The following CELSR3 variants were observed in gnomAD, a reference collection of about 807,000 sequenced individuals.
The protein encoded by CELSR3 is EGF-like protein 1.
CELSR3 carries 73 observed loss-of-function variants against 270.0 expected under a neutral mutation model. The ratio of observed to expected loss-of-function variants is 0.27; its 90% CI spans 0.22 to 0.33. CELSR3 has a LOEUF of 0.33. Among genes scored for constraint, CELSR3 ranks in the 10% least tolerant of loss-of-function variants. CELSR3 has a pLI of 1.00. For synonymous variants in CELSR3, 1,780 were observed against 1,905.4 expected (o/e 0.93, Z 1.71); for missense variants, 3,614 against 4,533.8 (o/e 0.80, Z 5.83).
chr3:48,658,757 G>A lies in CELSR3; in HGVS notation c.3748+130C>T. The A allele has an allele frequency of 9.4e-7, 1 of 1,067,208 alleles. No homozygotes were observed. The highest frequency in any genetic ancestry group is 1.6e-5 in the African/African-American group (1 of 62,980). 66.1% of individuals were successfully genotyped at this position (1,067,208 alleles called of 1,614,324 possible). On this transcript the variant is annotated intron_variant, in intron 1 of 34. Coordinates refer to ENST00000164024, the MANE Select transcript of CELSR3 (RefSeq NM_001407.3). This position sits in a 1 kb window ranked among gnomAD's most constrained non-coding sequence, Gnocchi z 4.7. Reference sequence around the variant, plus strand: ...AGGTCTGTGGCAGATCTTGTAGGGTGCAGGAACCCTACCCTTAAGGGGTTC... The same window carrying A: ...AGGTCTGTGGCAGATCTTGTAGGGTACAGGAACCCTACCCTTAAGGGGTTC...
chr3:48,659,578 G>A lies in CELSR3; in HGVS notation c.3057C>T (p.Val1019=). ...DFTIEPTSGI[V]RTVRRLDREA... Reference sequence around the variant, plus strand: ...CCCGGTCTAGCCGCCTTACTGTACGGACAATTCCAGAGGTGGGCTCAATGG... The same window carrying A: ...CCCGGTCTAGCCGCCTTACTGTACGAACAATTCCAGAGGTGGGCTCAATGG... Residue 1019 remains valine, a synonymous_variant, in exon 1 of 35, where the codon GTC becomes GTT. Transcript: ENST00000164024. This position sits in a 1 kb window ranked among gnomAD's most constrained non-coding sequence, Gnocchi z 8.1. The A allele has an allele frequency of 1.9e-6, 3 of 1,614,144 alleles. No homozygotes were observed. The highest frequency in any genetic ancestry group is 2.5e-6 in the Non-Finnish European group (3 of 1,180,038).
In CELSR3 at chr3:48,640,763, C is replaced by T. The variant is rs911675151; in HGVS notation, c.9026-204G>A. On this transcript the variant is annotated intron_variant, in intron 33 of 34. Coordinates refer to ENST00000164024, the MANE Select transcript of CELSR3 (RefSeq NM_001407.3). This position sits in a 1 kb window ranked among gnomAD's most constrained non-coding sequence, Gnocchi z 7.5. ...GTCAGAGTGGAAGGGCAGTCATCTT[C>T]CAGTTGTGGTCCCGGGGCAGGGGGA... 5.4e-6 allele frequency: 3 copies of T among 553,114 alleles called. No individual in the cohort carries two copies. The African/African-American group carries it at 5.8e-5, about 11-fold the overall frequency. 34.3% of individuals were successfully genotyped at this position (553,114 alleles called of 1,614,324 possible). A position where few individuals can be genotyped will look rare whatever the true frequency, so the allele number is the denominator to read the frequency against.
Position 48,654,045 on chromosome 3 carries a change from G to T in CELSR3, c.5153-42C>A. The T allele has an allele frequency of 2.5e-6, 4 of 1,602,224 alleles. No homozygotes were observed. Among genetic ancestry groups the T allele is most frequent in the South Asian group, 1.1e-5 (1 of 90,722 alleles). ...CATGGCGGACATGAGAACAAGGGTTGGGGGGCACAAGTGCTGGACAGGACT... is the reference window on the plus strand; with the variant it reads ...CATGGCGGACATGAGAACAAGGGTTTGGGGGCACAAGTGCTGGACAGGACT... On this transcript the variant is annotated intron_variant, in intron 7 of 34. Transcript: ENST00000164024. The surrounding 1 kb of genome is among the most constrained non-coding windows in gnomAD (Gnocchi z 5.4).
At chr3:48,643,994 G>C (rs1254303600) in intron 27 of CELSR3, 4 of 587,566 alleles carry the variant, frequency 6.8e-6, no homozygotes, top group Non-Finnish European at 1.2e-5. Context: ...GACTCTGGGG[G>C]GACCCAGAGG....
chr3:48,648,723 T>C lies in CELSR3; in HGVS notation c.6773A>G (p.Asn2258Ser), dbSNP rs771134891. ...GAACATAGGGCACAGCCCCACCTCATTGAAGTGGGCATCCTGTGTGGCTGT... is the reference window on the plus strand; with the variant it reads ...GAACATAGGGCACAGCCCCACCTCACTGAAGTGGGCATCCTGTGTGGCTGT... ...GLTATQDAHF[N>S]ENLLWAGSAL... Residue 2258 changes from asparagine to serine, a missense_variant, in exon 18 of 35, where the codon AAT becomes AGT. Asn to Ser is a conservative substitution (Grantham distance 46). This residue lies in a region of CELSR3 where 1,331 missense variants were observed against 1,933.7 expected (regional missense o/e 0.69). Transcript: ENST00000164024. 9 of 1,610,812 alleles carry C rather than the reference T, an allele frequency of 5.6e-6. No homozygotes were observed. The Admixed American group carries it at 6.7e-5, about 12-fold the overall frequency.
Position 48,657,139 on chromosome 3 carries a change from C to G in CELSR3, c.3958G>C (p.Asp1320His). The G allele has an allele frequency of 6.2e-7, 1 of 1,614,022 alleles. No homozygotes were observed. The highest frequency in any genetic ancestry group is 8.5e-7 in the Non-Finnish European group (1 of 1,179,964). ...ACATTGAGCACGGTGCCCCCTACGT[C>G]TGTGTCGTTCTGGATGTTGAAGATG... The part of the protein sequence containing the change: ...VFIFNIQNDT[D>H]VGGTVLNVSF... Residue 1320 changes from aspartate to histidine, a missense_variant, in exon 2 of 35, where the codon GAC becomes CAC. By Grantham distance (81) the Asp-to-His change is moderately conservative. Around this residue, in one of 7 missense-constraint regions of CELSR3, gnomAD observed 1,331 missense variants for 1,933.7 expected, o/e 0.69. Coordinates refer to ENST00000164024, the MANE Select transcript of CELSR3 (RefSeq NM_001407.3). This position sits in a 1 kb window ranked among gnomAD's most constrained non-coding sequence, Gnocchi z 5.4.
chr3:48,661,543 C>G lies in CELSR3; in HGVS notation c.1092G>C (p.Leu364=). Residue 364 remains leucine (L), a synonymous_variant, in exon 1 of 35, where the codon CTG becomes CTC. Coordinates refer to ENST00000164024, the MANE Select transcript of CELSR3 (RefSeq NM_001407.3). ...GCGAGCGGCTGTTCATGAGTGCCGC[C>G]AGCGAGTAGACTAGGCGCCCGGCCT... is the stretch of plus-strand genomic sequence containing the variant. The part of the protein sequence containing the change: ...AGEAGRLVYS[L]AALMNSRSLE... 1 of 1,607,220 alleles carries G rather than the reference C, an allele frequency of 6.2e-7. No individual in the cohort carries two copies. The highest frequency in any genetic ancestry group is 1.1e-5 in the South Asian group (1 of 90,760).
In CELSR3 at chr3:48,656,215, G is replaced by A. The variant is rs1016865776; in HGVS notation, c.4550C>T (p.Ala1517Val). Residue 1517 changes from alanine (A) to valine (V), a missense_variant, in exon 3 of 35, where the codon GCG (alanine) becomes GTG (valine). Transcript: ENST00000164024. ...GAACGAACTGGGCGGGAAGGAGCGC[G>A]CAGCCACCTCGCAGCGCGGGCCCTC... Reference protein sequence around the residue: ...AFEGPRCEVAARSFPPSSFVM... With the variant: ...AFEGPRCEVAVRSFPPSSFVM... The A allele has an allele frequency of 1.3e-6, 2 of 1,536,644 alleles. No homozygotes were observed. Among genetic ancestry groups the A allele is most frequent in the African/African-American group, 1.4e-5 (1 of 73,080 alleles).
In CELSR3 at chr3:48,646,972, C is replaced by CA; in HGVS notation, c.7130-45dup. ...GAGCTTCTGTCAGTGACCTTTGACC[C>CA]AAAGCACCCACCAACCCAGCTCTGA... On this transcript the variant is annotated intron_variant, in intron 20 of 34. Coordinates refer to ENST00000164024, the MANE Select transcript of CELSR3 (RefSeq NM_001407.3). This position sits in a 1 kb window ranked among gnomAD's most constrained non-coding sequence, Gnocchi z 4.8. 6.8e-7 allele frequency: 1 copy of CA among 1,469,050 alleles called. No individual in the cohort carries two copies. The highest frequency in any genetic ancestry group is 1.4e-5 in the South Asian group (1 of 72,726). The allele number at this position is 1,469,050 out of a possible 1,614,324, so 91.0% of individuals were successfully genotyped here. A position where few individuals can be genotyped will look rare whatever the true frequency, so the allele number is the denominator to read the frequency against.
chr3:48,661,962 C>A lies in CELSR3; in HGVS notation c.673G>T (p.Ala225Ser), dbSNP rs1307450313. The change falls in exon 1 of 35, where the codon GCA becomes TCA. Residue 225 changes from alanine to serine, a missense_variant. Around this residue, in one of 7 missense-constraint regions of CELSR3, gnomAD observed 470 missense variants for 469.7 expected, o/e 1.00. Coordinates refer to ENST00000164024, the MANE Select transcript of CELSR3 (RefSeq NM_001407.3). Reference protein sequence around the residue: ...GQGERATTSGAERTAPRRNCL... With the variant: ...GQGERATTSGSERTAPRRNCL... ...TTCCGCCGGGGGGCTGTCCTTTCTG[C>A]TCCGGATGTCGTGGCTCTCTCGCCC... is the stretch of plus-strand genomic sequence containing the variant. 6.2e-7 allele frequency: 1 copy of A among 1,613,882 alleles called. No homozygotes were observed.
intron 27 of CELSR3, chr3:48,643,998 C>T (rs888602131): frequency 2.7e-5 from 16 of 587,834 alleles, no homozygotes; most frequent in Non-Finnish European, 4.2e-5. Context: ...CTGGGGGGAC[C>T]CAGAGGACAA....
chr3:48,656,715 C>T lies in CELSR3; in HGVS notation c.4382G>A (p.Cys1461Tyr). 1.3e-6 allele frequency: 2 copies of T among 1,497,174 alleles called. No homozygotes were observed. Among genetic ancestry groups the T allele is most frequent in the South Asian group, 1.3e-5 (1 of 74,398 alleles). 92.7% of individuals were successfully genotyped at this position (1,497,174 alleles called of 1,614,324 possible). ...CTGCTCACCGGTGAAGCGCGGGCGG[C>T]AGACGCACGTGTAGCCTCCCTCGCG... is the stretch of plus-strand genomic sequence containing the variant. ...ARREGGYTCV[C>Y]RPRFTGEDCE... is the part of the protein sequence containing the mutation. The change falls in exon 2 of 35, where the codon TGC becomes TAC. Residue 1461 changes from cysteine (C) to tyrosine (Y), a missense_variant. Physicochemically the swap from Cys to Tyr is radical, Grantham distance 194 (BLOSUM62 -2). Coordinates refer to ENST00000164024, the MANE Select transcript of CELSR3 (RefSeq NM_001407.3).
Position 48,641,256 on chromosome 3 carries a change from T to C in CELSR3, c.9025+68A>G. The C allele has an allele frequency of 9.6e-7, 1 of 1,044,398 alleles. No homozygotes were observed. Among genetic ancestry groups the C allele is most frequent in the Non-Finnish European group, 1.5e-6 (1 of 677,714 alleles). 64.7% of individuals were successfully genotyped at this position (1,044,398 alleles called of 1,614,324 possible). A position where few individuals can be genotyped will look rare whatever the true frequency, so the allele number is the denominator to read the frequency against. ...TCAGTTTGGGATGAGGAAGCTGCAATCCCTTGGCTCAGGGCATGAGCAGCC... is the reference window on the plus strand; with the variant it reads ...TCAGTTTGGGATGAGGAAGCTGCAACCCCTTGGCTCAGGGCATGAGCAGCC... On this transcript the variant is annotated intron_variant, in intron 33 of 34. Coordinates refer to ENST00000164024, the MANE Select transcript of CELSR3 (RefSeq NM_001407.3). The surrounding 1 kb of genome is among the most constrained non-coding windows in gnomAD (Gnocchi z 4.8).
In CELSR3 at chr3:48,639,578, G is replaced by A. The variant is rs901909916; in HGVS notation, c.9911+96C>T. 8 of 1,511,172 alleles carry A rather than the reference G, an allele frequency of 5.3e-6. No individual in the cohort carries two copies. Among genetic ancestry groups the A allele is most frequent in the Non-Finnish European group, 6.3e-6 (7 of 1,112,078 alleles). 93.6% of individuals were successfully genotyped at this position (1,511,172 alleles called of 1,614,324 possible). ...TGGGGTAGCCCACACCTGTCTGCCAGCCCTCATCCCCTTCTGTGGCAGAAC... is the reference window on the plus strand; with the variant it reads ...TGGGGTAGCCCACACCTGTCTGCCAACCCTCATCCCCTTCTGTGGCAGAAC... On this transcript the variant is annotated intron_variant, in intron 34 of 34. Coordinates refer to ENST00000164024, the MANE Select transcript of CELSR3 (RefSeq NM_001407.3). This position sits in a 1 kb window ranked among gnomAD's most constrained non-coding sequence, Gnocchi z 4.1.
Position 48,656,698 on chromosome 3 carries a change from C to T in CELSR3, c.4399G>A (p.Gly1467Arg), listed in dbSNP as rs750148315. The change falls in exon 2 of 35, where the codon GGA becomes AGA. Residue 1467 changes from glycine to arginine, a missense_variant and splice_region_variant. Coordinates refer to ENST00000164024, the MANE Select transcript of CELSR3 (RefSeq NM_001407.3). ...YTCVCRPRFT[G>R]EDCELDTEAG... is the part of the protein sequence containing the mutation. ...AGCTCTGGCCCGGCGCCCTGCTCAC[C>T]GGTGAAGCGCGGGCGGCAGACGCAC... The T allele has an allele frequency of 6.7e-7, 1 of 1,483,414 alleles. No homozygotes were observed. Among genetic ancestry groups the T allele is most frequent in the Non-Finnish European group, 8.9e-7 (1 of 1,123,784 alleles). The allele number at this position is 1,483,414 out of a possible 1,614,324, so 91.9% of individuals were successfully genotyped here.
rs552620108 is a variant in CELSR3 at position 48,648,928 on chromosome 3, G to A, written c.6568C>T (p.Leu2190=). 6.2e-7 allele frequency: 1 copy of A among 1,612,642 alleles called. No homozygotes were observed. The highest frequency in any genetic ancestry group is 2.2e-5 in the East Asian group (1 of 44,880). ...SPAFRELSLL[L]DGLELNKTAL... Reference sequence around the variant, plus strand: ...GTCTTGTTCAGCTCTAGGCCATCCAGCTGCCAAGACAAGGAGATGGTTGCT... The same window carrying A: ...GTCTTGTTCAGCTCTAGGCCATCCAACTGCCAAGACAAGGAGATGGTTGCT... Residue 2190 remains leucine (L), a splice_region_variant and synonymous_variant, in exon 18 of 35, where the codon CTG becomes TTG. Transcript: ENST00000164024.
At position 48,650,609 on chromosome 3, in the gene CELSR3, GCAGT is replaced by G; in HGVS notation, c.6371-32_6371-29del. On this transcript the variant is annotated intron_variant, in intron 15 of 34. Transcript: ENST00000164024. This position sits in a 1 kb window ranked among gnomAD's most constrained non-coding sequence, Gnocchi z 5.1. ...AGAGAGAGAAGAGGTGCTGAGCCAG[GCAGT>G]CAGGGTACAGGGCAGTTGACAGCCA... 1.3e-6 allele frequency: 2 copies of G among 1,574,734 alleles called. No individual in the cohort carries two copies. Among genetic ancestry groups the G allele is most frequent in the Non-Finnish European group, 1.7e-6 (2 of 1,159,326 alleles).
Position 48,651,835 on chromosome 3 carries a change from G to A in CELSR3, c.5923+42C>T, listed in dbSNP as rs368455094. On this transcript the variant is annotated intron_variant, in intron 12 of 34. Transcript: ENST00000164024. This position sits in a 1 kb window ranked among gnomAD's most constrained non-coding sequence, Gnocchi z 7.4. Reference sequence around the variant, plus strand: ...CCAGTCTTCATCATGGGCCCCTAACGCCTGCCCAGGTCACCCTTCCCCCAA... The same window carrying A: ...CCAGTCTTCATCATGGGCCCCTAACACCTGCCCAGGTCACCCTTCCCCCAA... The A allele has an allele frequency of 5.7e-6, 9 of 1,576,168 alleles. No individual in the cohort carries two copies. Among genetic ancestry groups the A allele is most frequent in the African/African-American group, 5.4e-5 (4 of 73,494 alleles).
chr3:48,650,243 G>A lies in CELSR3; in HGVS notation c.6472+237C>T, dbSNP rs963408102. The A allele has an allele frequency of 7.9e-6, 5 of 634,940 alleles. No individual in the cohort carries two copies. The highest frequency in any genetic ancestry group is 3.6e-5 in the African/African-American group (2 of 55,636). The allele number at this position is 634,940 out of a possible 1,614,324, so 39.3% of individuals were successfully genotyped here. A position where few individuals can be genotyped will look rare whatever the true frequency, so the allele number is the denominator to read the frequency against. On this transcript the variant is annotated intron_variant, in intron 16 of 34. Transcript: ENST00000164024. This position sits in a 1 kb window ranked among gnomAD's most constrained non-coding sequence, Gnocchi z 5.1. ...GCAAAAGCTCTGGTAGTGGGAGGGG[G>A]CAGTGCACCTGAGCAAACACGTACC...
Sources: allele counts gnomAD v4.1 joint callset, GRCh38; gene constraint gnomAD v4.1.1; regional missense constraint gnomAD v4.1.1; non-coding constraint Gnocchi (gnomAD v3.1); transcripts MANE v1.5; gene names NCBI Gene and HGNC (gene_info 2026-07-23, HGNC 2026-07-21).